CLASP2: variants seen among roughly 807,000 people sequenced by gnomAD.
The protein encoded by CLASP2 is cytoplasmic linker associated protein 2.
In CLASP2, 47 loss-of-function variants were observed where a neutral mutation model predicts 194.4. The ratio of observed to expected loss-of-function variants is 0.24; its 90% CI spans 0.19 to 0.31. The LOEUF (loss-of-function observed/expected upper bound fraction) is 0.31, where lower values mean the gene tolerates loss of function less well. CLASP2 is among the 10% of genes least tolerant of loss of function. The pLI is 1.00. For missense variants in CLASP2, 1,445 were observed against 1,823.6 expected (o/e 0.79, Z 3.78); for synonymous variants, 619 against 633.5 (o/e 0.98, Z 0.34).
intron 21 of CLASP2, chr3:33,592,123 G>A: frequency 1.4e-6 from 1 of 692,364 alleles, no homozygotes; most frequent in South Asian, 1.5e-5. Flanking sequence ...CAATGATGCA[G>A]CCCTAATAAA....
intron 9 of CLASP2, 132 bp downstream of exon 9, chr3:33,632,158 GGT>G: frequency 2.0e-6 from 1 of 508,192 alleles, no homozygotes; most frequent in Non-Finnish European, 3.4e-6. Flanking sequence ...ATAATGGCTT[GGT>G]ATTAATAAGT....
At chr3:33,505,040 T>A (rs922919165) in intron 37 of CLASP2, 4 of 152,638 alleles carry the variant, frequency 2.6e-5, no homozygotes, top group African/African-American at 9.6e-5. Context: ...ATCTTCTTCA[T>A]CAGCTTCCTC....
Position 33,559,335 on chromosome 3 carries a change from A to C in CLASP2, c.2981T>G (p.Val994Gly). Reference protein sequence around the residue: ...LQFNILMRFTVDQTQTPSLKV... With the variant: ...LQFNILMRFTGDQTQTPSLKV... ...TAAGCTTGGTGTCTGGGTCTGATCA[A>C]CTGTAAATCTCATTAGAATATTGAA... is the stretch of plus-strand genomic sequence containing the variant. The change falls in exon 29 of 39, where the codon GTT becomes GGT. Residue 994 changes from valine (V) to glycine (G), a missense_variant. Physicochemically the swap from Val to Gly is moderately radical, Grantham distance 109. Around this residue, in one of 4 missense-constraint regions of CLASP2, gnomAD observed 732 missense variants for 987.9 expected, o/e 0.74. Coordinates refer to ENST00000682230, the MANE Select transcript of CLASP2 (RefSeq NM_001365631.1). 6.3e-7 allele frequency: 1 copy of C among 1,597,058 alleles called. No homozygotes were observed. Among genetic ancestry groups the C allele is most frequent in the Non-Finnish European group, 8.6e-7 (1 of 1,168,952 alleles).
intron 34 of CLASP2, among the ~76,000 whole-genome samples, chr3:33,522,206 C>A (rs1013323945): frequency 6.6e-6 from 1 of 152,104 alleles, no homozygotes; most frequent in African/African-American, 2.4e-5. Flanking sequence ...TTTCATTTTT[C>A]TCTTTTTCCT....
Position 33,601,595 on chromosome 3 carries a change from C to T in CLASP2, c.1924+1357G>A, listed in dbSNP as rs147469100. Among the ~76,000 whole-genome samples, 274 of 152,040 alleles carry T rather than the reference C, an allele frequency of 1.8e-3. 1 individual carries two copies. The highest frequency in any genetic ancestry group is 6.1e-3 in the African/African-American group (252 of 41,446). Reference sequence around the variant, plus strand: ...TTCAAGAGATTTTTTTCCTTCATGGCTTATTTGCTTTTATGTATAGGAATT... The same window carrying T: ...TTCAAGAGATTTTTTTCCTTCATGGTTTATTTGCTTTTATGTATAGGAATT... On this transcript the variant is annotated intron_variant, in intron 18 of 38. Transcript: ENST00000682230.
intron 34 of CLASP2, among the ~76,000 whole-genome samples, chr3:33,527,267 A>G (rs1575892549): frequency 6.6e-6 from 1 of 152,236 alleles, no homozygotes; most frequent in East Asian, 1.9e-4. Flanking sequence ...AAACACAATT[A>G]GAAATGATGA....
chr3:33,717,810 G>C lies in CLASP2; in HGVS notation c.193C>G (p.Arg65Gly). 6.4e-7 allele frequency: 1 copy of C among 1,556,548 alleles called. No homozygotes were observed. Among genetic ancestry groups the C allele is most frequent in the Non-Finnish European group, 8.7e-7 (1 of 1,150,850 alleles). Residue 65 changes from arginine (R) to glycine (G), a missense_variant and splice_region_variant, in exon 1 of 39, where the codon CGG becomes GGG. Physicochemically the swap from Arg to Gly is moderately radical, Grantham distance 125. Coordinates refer to ENST00000682230, the MANE Select transcript of CLASP2 (RefSeq NM_001365631.1). ...LTGWVGSSNYRVSLMGLEILS... is the reference protein window; with the variant it reads ...LTGWVGSSNYGVSLMGLEILS... Reference sequence around the variant, plus strand: ...CCAGCCTCGCCGCCGTCGCTTACCCGGTAGTTGCTCGAACCCACCCAGCCG... The same window carrying C: ...CCAGCCTCGCCGCCGTCGCTTACCCCGTAGTTGCTCGAACCCACCCAGCCG...
chr3:33,514,616 C>T (rs2154097511), intron 36 of CLASP2: 1 of 257,550 alleles, frequency 3.9e-6, no homozygotes, highest in South Asian at 4.2e-5. Context: ...CTTAGAAATA[C>T]AGTCCTTACA....
rs762627631 is a variant in CLASP2, at chr3:33,581,951, C to A, written c.2240-23G>T. The A allele has an allele frequency of 8.5e-6, 13 of 1,523,974 alleles. No homozygotes were observed. The Admixed American group carries it at 1.0e-4, about 12-fold the overall frequency. 94.4% of individuals were successfully genotyped at this position (1,523,974 alleles called of 1,614,324 possible). A position where few individuals can be genotyped will look rare whatever the true frequency, so the allele number is the denominator to read the frequency against. On this transcript the variant is annotated intron_variant, in intron 22 of 38. Coordinates refer to ENST00000682230, the MANE Select transcript of CLASP2 (RefSeq NM_001365631.1). ...GGGCTGGTGTGAAGCAACAGCAGCA[C>A]ACACAGTAAGGGAGAAAACAGAACA...
intron 12 of CLASP2, among the ~76,000 whole-genome samples, chr3:33,613,928 G>A (rs1468372214): frequency 6.6e-6 from 1 of 152,066 alleles, no homozygotes; most frequent in Non-Finnish European, 1.5e-5. Context: ...ATACTCAGGG[G>A]GAGCTGTACC....
chr3:33,667,687 A>T lies in CLASP2; in HGVS notation c.645-4172T>A, dbSNP rs118130552. ...GGGTGTGGAGTGAGGAAGAGTTGCA[A>T]CTTCATTCTTTTGCCTGGGGATATC... On this transcript the variant is annotated intron_variant, in intron 6 of 38. Transcript: ENST00000682230. 7.9e-5 allele frequency among the ~76,000 whole-genome samples: 12 copies of T among 152,184 alleles called. No individual in the cohort carries two copies. In the East Asian group the frequency reaches 2.1e-3, roughly 27 times the overall value.
chr3:33,644,514 G>A, intron 8 of CLASP2: 3 of 412,424 alleles, frequency 7.3e-6, no homozygotes, highest in South Asian at 2.8e-5. Flanking sequence ...TTTCAAAATG[G>A]CATCTGAAAA....
At chr3:33,608,707 C>T (rs2074429427) in intron 13 of CLASP2, 81 bp from the exon 14 acceptor site, 4 of 797,154 alleles carry the variant, frequency 5.0e-6, no homozygotes, top group African/African-American at 1.8e-5. Context: ...CTACACTTTG[C>T]CCCCTAAATT....
At chr3:33,554,408 G>T (rs1195354394) in intron 29 of CLASP2, among the ~76,000 whole-genome samples, 1 of 152,110 alleles carries the variant, frequency 6.6e-6, no homozygotes, top group Non-Finnish European at 1.5e-5. Flanking sequence ...GCCAGACATA[G>T]AAAGACAAAT....
chr3:33,522,279 A>G (rs561157913), intron 34 of CLASP2, among the ~76,000 whole-genome samples: 29 of 152,202 alleles, frequency 1.9e-4, no homozygotes, highest in Non-Finnish European at 4.0e-4. Context: ...ATGGAGAGTT[A>G]GAAAGTGACA....
At chr3:33,608,291 T>C (rs934080561) in intron 14 of CLASP2, among the ~76,000 whole-genome samples, 3 of 152,204 alleles carry the variant, frequency 2.0e-5, no homozygotes, top group Admixed American at 2.0e-4. Context: ...TGACTAGAGA[T>C]ACATTTTTAA....
intron 34 of CLASP2, among the ~76,000 whole-genome samples, chr3:33,517,591 G>A (rs12485278): frequency 3.3e-5 from 5 of 151,926 alleles, no homozygotes; most frequent in Admixed American, 3.3e-4. Context: ...TGGCTTTTAG[G>A]GATGATAAAA....
rs1276741959 is a variant in CLASP2 at position 33,602,991 on chromosome 3, C to T, written c.1885G>A (p.Gly629Ser). The T allele has an allele frequency of 1.2e-6, 2 of 1,610,652 alleles. No homozygotes were observed. The highest frequency in any genetic ancestry group is 1.7e-6 in the Non-Finnish European group (2 of 1,178,422). Residue 629 changes from glycine (G) to serine (S), a missense_variant, in exon 18 of 39, where the codon GGT becomes AGT. By Grantham distance (56) the Gly-to-Ser change is moderately conservative. Around this residue, in one of 4 missense-constraint regions of CLASP2, gnomAD observed 174 missense variants for 179.0 expected, o/e 0.97. Coordinates refer to ENST00000682230, the MANE Select transcript of CLASP2 (RefSeq NM_001365631.1). ...AGQSVRSGRL[G>S]AGALNAGSYA... ...GAACCTGCATTCAGGGCACCTGCACCTAAGCGCCCGCTTCGCACAGACTGT... is the reference window on the plus strand; with the variant it reads ...GAACCTGCATTCAGGGCACCTGCACTTAAGCGCCCGCTTCGCACAGACTGT...
chr3:33,709,655 T>C (rs1374244451), intron 1 of CLASP2, among the ~76,000 whole-genome samples: 1 of 152,254 alleles, frequency 6.6e-6, no homozygotes, highest in African/African-American at 2.4e-5. Context: ...CTGAAGTCTC[T>C]AGAAGGAATA....
Sources: allele counts gnomAD v4.1 joint callset (sites outside exome capture counted in the v4.1 genomes callset), GRCh38; gene constraint gnomAD v4.1.1; regional missense constraint gnomAD v4.1.1; transcripts MANE v1.5; gene names NCBI Gene and HGNC (gene_info 2026-07-23, HGNC 2026-07-21).